PPFIA2: variants seen among roughly 807,000 people sequenced by gnomAD.
The protein encoded by PPFIA2 is liprin-alpha-2.
PPFIA2 carries 46 observed loss-of-function variants against 175.5 expected under a neutral mutation model. The observed-to-expected ratio is 0.26, with a 90% confidence interval of 0.21 to 0.34. PPFIA2 has a LOEUF of 0.34. Ranked by LOEUF, PPFIA2 falls within the 10% of genes least tolerant of loss-of-function variation. The pLI, the probability that PPFIA2 is intolerant of heterozygous loss-of-function variation, is 1.00. For missense variants in PPFIA2, 1,179 were observed against 1,506.1 expected (o/e 0.78, Z 3.60); for synonymous variants, 568 against 511.4 (o/e 1.11, Z -1.49).
intron 21 of PPFIA2, among the ~76,000 whole-genome samples, chr12:81,329,162 C>G (rs1186543064): frequency 6.6e-6 from 1 of 152,120 alleles, no homozygotes; most frequent in East Asian, 1.9e-4. Context: ...CCTGTGGAAA[C>G]TAGGGGTTAC....
intron 8 of PPFIA2, among the ~76,000 whole-genome samples, chr12:81,390,185 C>T (rs1782786642): frequency 1.3e-5 from 2 of 151,998 alleles, no homozygotes; most frequent in South Asian, 2.1e-4. Context: ...ATATATTCAT[C>T]AGTTGAGGGA....
At chr12:81,555,529 A>G (rs567269515) in intron 4 of PPFIA2, among the ~76,000 whole-genome samples, 1 of 152,146 alleles carries the variant, frequency 6.6e-6, no homozygotes, top group Admixed American at 6.6e-5. Context: ...TTGATAATTT[A>G]TAAATCTTAA....
intron 5 of PPFIA2, among the ~76,000 whole-genome samples, chr12:81,452,035 G>A (rs983871306): frequency 6.6e-6 from 1 of 151,960 alleles, no homozygotes; most frequent in African/African-American, 2.4e-5. Flanking sequence ...TGAATCCTAT[G>A]TTTGAATTTT....
At chr12:81,386,275 TTAAATAAATAAATAAATAAATAAA>T (rs36182501) in intron 8 of PPFIA2, among the ~76,000 whole-genome samples, 157 of 135,726 alleles carry the variant, frequency 1.2e-3, no homozygotes, top group African/African-American at 4.0e-3. Context: ...CTTACAACCT[TTAAATAAATAAATAAATAAATAAA>T]TAAATAAATA....
chr12:81,421,660 C>G (rs930427570), intron 7 of PPFIA2, among the ~76,000 whole-genome samples: 2 of 151,632 alleles, frequency 1.3e-5, no homozygotes, highest in Non-Finnish European at 2.9e-5. Context: ...AAGCAATTAA[C>G]AAAAAGAAAT....
rs950068645 is a variant in PPFIA2 at position 81,491,213 on chromosome 12, G to GT, written c.304-33348dup. 3.4e-4 allele frequency among the ~76,000 whole-genome samples: 31 copies of GT among 90,564 alleles called. No homozygotes were observed. In the Middle Eastern group the frequency reaches 0.015, roughly 45 times the overall value. The allele number at this position is 90,564 out of a possible 152,430, so 59.4% of individuals were successfully genotyped here. ...TAATGTTTCTGGAATTACTTTTTTTGTTTTTTTGCTTTGTCTCCACTGTAT... is the reference window on the plus strand; with the variant it reads ...TAATGTTTCTGGAATTACTTTTTTTGTTTTTTTTGCTTTGTCTCCACTGTAT... On this transcript the variant is annotated intron_variant, in intron 4 of 32. Coordinates refer to ENST00000549396, the MANE Select transcript of PPFIA2 (RefSeq NM_003625.5).
chr12:81,418,574 G>T (rs570060840), intron 7 of PPFIA2, among the ~76,000 whole-genome samples: 2 of 151,916 alleles, frequency 1.3e-5, no homozygotes, highest in East Asian at 3.9e-4. Context: ...GTCTATGATT[G>T]TTTTCACTCC....
At chr12:81,306,222 G>GA (rs941937713) in intron 22 of PPFIA2, among the ~76,000 whole-genome samples, 29 of 149,270 alleles carry the variant, frequency 1.9e-4, no homozygotes, top group African/African-American at 2.9e-4. Flanking sequence ...TGACATTAAA[G>GA]AAAAAAAAAA....
Position 81,347,559 on chromosome 12 carries a change from T to C in PPFIA2, c.2206A>G (p.Met736Val). 1 of 1,611,862 alleles carries C rather than the reference T, an allele frequency of 6.2e-7. No homozygotes were observed. Among genetic ancestry groups the C allele is most frequent in the Non-Finnish European group, 8.5e-7 (1 of 1,178,008 alleles). ...KLTPRSPARE[M>V]DRMGVMTLPS... ...AGTGTCATGACTCCCATCCGATCCATTTCCCTGGCAGGGCTTCGAGGGGTG... is the reference window on the plus strand; with the variant it reads ...AGTGTCATGACTCCCATCCGATCCACTTCCCTGGCAGGGCTTCGAGGGGTG... The change falls in exon 18 of 33, where the codon ATG (methionine) becomes GTG (valine). Residue 736 changes from methionine (M) to valine (V), a missense_variant. By Grantham distance (21) the Met-to-Val change is conservative. Coordinates refer to ENST00000549396, the MANE Select transcript of PPFIA2 (RefSeq NM_003625.5).
chr12:81,609,092 GA>G (rs1482212981), intron 4 of PPFIA2, among the ~76,000 whole-genome samples: 1 of 137,314 alleles, frequency 7.3e-6, no homozygotes, highest in Non-Finnish European at 1.6e-5. Context: ...GTATACTATA[GA>G]TTTTTTTTGC....
intron 4 of PPFIA2, among the ~76,000 whole-genome samples, chr12:81,515,857 ACTCTTTTCT>A (rs2062362115): frequency 6.6e-6 from 1 of 151,788 alleles, no homozygotes. Flanking sequence ...CTAGAGTCTC[ACTCTTTTCT>A]CTCTTTTCTC....
At chr12:81,357,354 T>A (rs2061005645) in intron 16 of PPFIA2, among the ~76,000 whole-genome samples, 1 of 152,202 alleles carries the variant, frequency 6.6e-6, no homozygotes, top group South Asian at 2.1e-4. Flanking sequence ...CAAGGGCCTG[T>A]GTACAAATAT....
intron 22 of PPFIA2, among the ~76,000 whole-genome samples, chr12:81,311,325 C>T (rs1325110805): frequency 6.6e-6 from 1 of 152,150 alleles, no homozygotes; most frequent in African/African-American, 2.4e-5. Flanking sequence ...TCTTGGCTCT[C>T]TATATGTAAA....
At chr12:81,446,453 T>A (rs2051282630) in intron 5 of PPFIA2, among the ~76,000 whole-genome samples, 1 of 152,206 alleles carries the variant, frequency 6.6e-6, no homozygotes, top group African/African-American at 2.4e-5. Context: ...TGAAATGTTT[T>A]GTGAATTGGG....
chr12:81,687,553 G>A (rs567671535), intron 3 of PPFIA2: 11 of 152,078 alleles, frequency 7.2e-5, no homozygotes, highest in Non-Finnish European at 5.9e-5. Context: ...TTGCCTGAGG[G>A]GTAGTCAACA....
chr12:81,716,270 T>C (rs1464219331), intron 3 of PPFIA2, among the ~76,000 whole-genome samples: 2 of 151,760 alleles, frequency 1.3e-5, no homozygotes, highest in African/African-American at 4.8e-5. Flanking sequence ...ATTGCCTTAT[T>C]TTCTATGTGA....
chr12:81,752,772 T>C (rs2084009154), intron 3 of PPFIA2, among the ~76,000 whole-genome samples: 1 of 152,288 alleles, frequency 6.6e-6, no homozygotes, highest in South Asian at 2.1e-4. Flanking sequence ...GCCATAACTT[T>C]GTGGAGAGAA....
rs1593379652 is a variant in PPFIA2 at position 81,463,899 on chromosome 12, T to G, written c.304-6033A>C. Among the ~76,000 whole-genome samples, 3 of 152,178 alleles carry G rather than the reference T, an allele frequency of 2.0e-5. No individual in the cohort carries two copies. The East Asian group carries it at 5.8e-4, about 29-fold the overall frequency. On this transcript the variant is annotated intron_variant, in intron 4 of 32. Transcript: ENST00000549396. ...CTTTTCTGTTAATATCTTAAAATTT[T>G]GAAAGTATCATTTCTTATACACCAA...
At chr12:81,470,470 G>A (rs2146276845) in intron 4 of PPFIA2, among the ~76,000 whole-genome samples, 1 of 152,322 alleles carries the variant, frequency 6.6e-6, no homozygotes, top group African/African-American at 2.4e-5. Flanking sequence ...CTGCTGGTGG[G>A]AGTGTAATAT....
Sources: gnomAD v4.1 joint callset for allele counts (sites outside exome capture counted in the v4.1 genomes callset) on GRCh38, gnomAD v4.1.1 for gene constraint, MANE v1.5 for transcripts, NCBI Gene and HGNC (gene_info 2026-07-23, HGNC 2026-07-21) for gene names.